The following SACS variants were observed in gnomAD, a reference collection of about 807,000 sequenced individuals.
The protein encoded by SACS is sacsin molecular chaperone, also known as sacsin.
SACS carries 197 observed loss-of-function variants against 348.0 expected under a neutral mutation model. That is an observed-to-expected ratio of 0.57 (90% confidence interval 0.50 to 0.64). The LOEUF is 0.64. Ranked by LOEUF, SACS falls within the 30% of genes least tolerant of loss-of-function variation. SACS has a pLI of 0.00. For missense variants in SACS, 4,999 were observed against 5,360.8 expected, an observed-to-expected ratio of 0.93 and a Z score of 2.11; for synonymous variants, 1,985 against 1,910.6, an observed-to-expected ratio of 1.04 and a Z score of -1.02.
rs61948388 is a variant in SACS at position 23,396,580 on chromosome 13, A to T, written c.20+14640T>A. On this transcript the variant is annotated intron_variant, in intron 2 of 9. Coordinates refer to ENST00000382292, the MANE Select transcript of SACS (RefSeq NM_014363.6). ...AATTTTTAAATTATAAATTTAACCT[A>T]AGAACAAATGTGTAAGTAAAGATGC... is the stretch of plus-strand genomic sequence containing the variant. Among the ~76,000 whole-genome samples, 643 of 152,328 alleles carry T rather than the reference A, an allele frequency of 4.2e-3. 3 individuals carry two copies. The highest frequency in any genetic ancestry group is 7.3e-3 in the Non-Finnish European group (498 of 68,026).
At chr13:23,389,143 C>A (rs929094265) in intron 2 of SACS, among the ~76,000 whole-genome samples, 4 of 151,924 alleles carry the variant, frequency 2.6e-5, no homozygotes, top group Non-Finnish European at 2.9e-5. Flanking sequence ...GTACCCTCTA[C>A]CATTTAGCTA....
chr13:23,427,072 C>T (rs1301865421), intron 1 of SACS: 2 of 152,166 alleles, frequency 1.3e-5, no homozygotes, highest in South Asian at 2.1e-4. Context: ...CGCATAATCT[C>T]GCTGTGCCCA....
intron 2 of SACS, among the ~76,000 whole-genome samples, chr13:23,383,010 G>T (rs1374957928): frequency 2.0e-5 from 3 of 149,142 alleles, no homozygotes; most frequent in Non-Finnish European, 4.4e-5. Flanking sequence ...ATGTCGCCCA[G>T]GCTGGATAGA....
intron 9 of SACS, among the ~76,000 whole-genome samples, chr13:23,344,445 G>GA (rs1593136776): frequency 6.6e-6 from 1 of 151,802 alleles, no homozygotes; most frequent in Non-Finnish European, 1.5e-5. Context: ...ATGCTCAACG[G>GA]AAAAAAACAT....
At chr13:23,388,018 C>A (rs1872365276) in intron 2 of SACS, among the ~76,000 whole-genome samples, 1 of 152,144 alleles carries the variant, frequency 6.6e-6, no homozygotes, top group African/African-American at 2.4e-5. Context: ...TTAGTACAAC[C>A]TCTACGGAAA....
chr13:23,341,493 T>G lies in SACS; in HGVS notation c.2383A>C (p.Thr795Pro). Residue 795 changes from threonine to proline, a missense_variant, in exon 10 of 10, where the codon ACT becomes CCT. By Grantham distance (38) the Thr-to-Pro change is conservative. Coordinates refer to ENST00000382292, the MANE Select transcript of SACS (RefSeq NM_014363.6). The part of the protein sequence containing the change: ...NLYIHFSEDL[T>P]LFDEMPLIPR... ...ATAAGTGGCATCTCATCAAATAAAG[T>G]CAAATCCTCTGAAAAATGTATATAA... The G allele has an allele frequency of 6.2e-7, 1 of 1,614,050 alleles. No individual in the cohort carries two copies. Among genetic ancestry groups the G allele is most frequent in the Non-Finnish European group, 8.5e-7 (1 of 1,179,970 alleles).
At chr13:23,379,150 G>A in intron 2 of SACS, among the ~76,000 whole-genome samples, 1 of 152,180 alleles carries the variant, frequency 6.6e-6, no homozygotes, top group Non-Finnish European at 1.5e-5. Flanking sequence ...CGCGCCTGCT[G>A]CTGGGAAAGC....
At chr13:23,345,296 G>GA (rs1566074478) in intron 9 of SACS, among the ~76,000 whole-genome samples, 2 of 152,178 alleles carry the variant, frequency 1.3e-5, no homozygotes, top group South Asian at 2.1e-4. Context: ...AGAGAGAATA[G>GA]AAAAAAAGAA....
intron 2 of SACS, chr13:23,375,615 C>T (rs1388604177): frequency 2.0e-6 from 2 of 980,092 alleles, no homozygotes; most frequent in Non-Finnish European, 2.4e-6. Context: ...ACACGCCCAC[C>T]CGCCGGGACC....
chr13:23,415,242 G>C (rs1873651730), intron 1 of SACS, among the ~76,000 whole-genome samples: 1 of 152,104 alleles, frequency 6.6e-6, no homozygotes, highest in East Asian at 1.9e-4. Flanking sequence ...ATGTTAGCCA[G>C]GCTGCTCTCG....
At chr13:23,425,993 C>T (rs957901130) in intron 1 of SACS, among the ~76,000 whole-genome samples, 1 of 152,176 alleles carries the variant, frequency 6.6e-6, no homozygotes, top group African/African-American at 2.4e-5. Context: ...TAGGGATGAT[C>T]TTATTTCAGT....
Position 23,334,695 on chromosome 13 carries a change from G to C in SACS, c.9181C>G (p.Leu3061Val). 1 of 1,613,722 alleles carries C rather than the reference G, an allele frequency of 6.2e-7. No homozygotes were observed. Among genetic ancestry groups the C allele is most frequent in the Non-Finnish European group, 8.5e-7 (1 of 1,179,750 alleles). ...VAENVYRLKH[L>V]LLEIGFNLVY... ...AAGTTGAAACCAATTTCTAAAAGGA[G>C]ATGTTTCAGCCTATAGACATTCTCT... The change falls in exon 10 of 10, where the codon CTC (leucine) becomes GTC (valine). Residue 3061 changes from leucine (L) to valine (V), a missense_variant. By Grantham distance (32) the Leu-to-Val change is conservative. Coordinates refer to ENST00000382292, the MANE Select transcript of SACS (RefSeq NM_014363.6).
Position 23,396,028 on chromosome 13 carries a change from C to G in SACS, c.20+15192G>C, listed in dbSNP as rs560767858. On this transcript the variant is annotated intron_variant, in intron 2 of 9. Coordinates refer to ENST00000382292, the MANE Select transcript of SACS (RefSeq NM_014363.6). ...ACATTGGCTTAGAGATAAATCAGAA[C>G]TTATATAAATTCAGGCCGGGTGCAG... Among the ~76,000 whole-genome samples, 115 of 152,188 alleles carry G rather than the reference C, an allele frequency of 7.6e-4. 1 individual carries two copies. The highest frequency in any genetic ancestry group is 2.6e-3 in the African/African-American group (108 of 41,534).
rs145772567 is a variant in SACS, at chr13:23,354,898, A to G, written c.1714T>C (p.Leu572=). Residue 572 remains leucine, a synonymous_variant, in exon 8 of 10, where the codon TTG becomes CTG. Coordinates refer to ENST00000382292, the MANE Select transcript of SACS (RefSeq NM_014363.6). ...AGTTCTGAGAAGTACACCTGCTCCA[A>G]CCTGACCCAGTCACAGCTAATTGAA... ...IYSISCDWVR[L]EQVYFSELDE... is the part of the protein sequence containing the mutation. 21 of 1,614,212 alleles carry G rather than the reference A, an allele frequency of 1.3e-5. No homozygotes were observed. The highest frequency in any genetic ancestry group is 1.7e-5 in the Non-Finnish European group (20 of 1,180,046).
At position 23,340,019 on chromosome 13, in the gene SACS, G is replaced by A. The variant is rs1252801385; in HGVS notation, c.3857C>T (p.Pro1286Leu). 2.5e-6 allele frequency: 4 copies of A among 1,613,410 alleles called. No individual in the cohort carries two copies. In the Admixed American group the frequency reaches 6.7e-5, roughly 27 times the overall value. Reference protein sequence around the residue: ...PWVWTGKKFCPLAQAVIKPIH... With the variant: ...PWVWTGKKFCLLAQAVIKPIH... ...TGGTTTAATCACAGCCTGGGCAAGT[G>A]GACAAAACTTTTTGCCAGTCCAAAC... Residue 1286 changes from proline (P) to leucine (L), a missense_variant, in exon 10 of 10, where the codon CCA becomes CTA. Transcript: ENST00000382292.
rs768238035 is a variant in SACS, at chr13:23,331,011, A to T, written c.12865T>A (p.Ser4289Thr). The change falls in exon 10 of 10, where the codon TCT becomes ACT. Residue 4289 changes from serine (S) to threonine (T), a missense_variant. By Grantham distance (58) the Ser-to-Thr change is moderately conservative. Around this residue, in one of 6 missense-constraint regions of SACS, gnomAD observed 831 missense variants for 941.8 expected, o/e 0.88. Coordinates refer to ENST00000382292, the MANE Select transcript of SACS (RefSeq NM_014363.6). ...LFSGRESHKTSSKHQSPKKLK... is the reference protein window; with the variant it reads ...LFSGRESHKTTSKHQSPKKLK... ...TTTTTGGGGGACTGATGTTTGGAAGAAGTCTTGTGGCTCTCTCTACCAGAG... is the reference window on the plus strand; with the variant it reads ...TTTTTGGGGGACTGATGTTTGGAAGTAGTCTTGTGGCTCTCTCTACCAGAG... 6.2e-7 allele frequency: 1 copy of T among 1,614,102 alleles called. No homozygotes were observed. The highest frequency in any genetic ancestry group is 8.5e-7 in the Non-Finnish European group (1 of 1,179,986).
intron 1 of SACS, among the ~76,000 whole-genome samples, chr13:23,413,859 AAAATT>A (rs1447144049): frequency 1.3e-5 from 2 of 152,222 alleles, no homozygotes; most frequent in African/African-American, 2.4e-5. Context: ...TTTAAGAACT[AAAATT>A]AAATTAAGGA....
At chr13:23,397,726 T>C (rs1872761875) in intron 2 of SACS, among the ~76,000 whole-genome samples, 3 of 152,202 alleles carry the variant, frequency 2.0e-5, no homozygotes, top group African/African-American at 7.2e-5. Context: ...TACTGTCATA[T>C]CAAAGAAAAG....
Position 23,369,227 on chromosome 13 carries a change from T to C in SACS, c.260-740A>G, listed in dbSNP as rs369437407. ...ATATTCTCAAATTCAACCAGTGTTC[T>C]GATTGTTCTGAAATTCAGCAGTCAC... On this transcript the variant is annotated intron_variant, in intron 4 of 9. Transcript: ENST00000382292. 1.5e-4 allele frequency among the ~76,000 whole-genome samples: 23 copies of C among 152,324 alleles called. 1 individual carries two copies. In the South Asian group the frequency reaches 4.6e-3, roughly 30 times the overall value.
Sources: gnomAD v4.1 joint callset for allele counts (sites outside exome capture counted in the v4.1 genomes callset) on GRCh38, gnomAD v4.1.1 for gene constraint, gnomAD v4.1.1 regional missense constraint, MANE v1.5 for transcripts, NCBI Gene and HGNC (gene_info 2026-07-23, HGNC 2026-07-21) for gene names.